The following ARHGAP39 variants were observed in gnomAD, a reference collection of about 807,000 sequenced individuals.
ARHGAP39 encodes rho GTPase-activating protein 39.
A neutral mutation model predicts 106.9 loss-of-function variants in ARHGAP39; 44 were observed. That is an observed-to-expected ratio of 0.41 (90% CI 0.32 to 0.53). The LOEUF is 0.53. Ranked by LOEUF, ARHGAP39 falls within the 20% of genes least tolerant of loss-of-function variation. The pLI is 0.21. For missense variants in ARHGAP39, 1,496 were observed against 1,577.3 expected (o/e 0.95, Z 0.87); for synonymous variants, 768 against 693.2 (o/e 1.11, Z -1.69).
At position 144,671,049 on chromosome 8, in the gene ARHGAP39, G is replaced by C. The variant is rs529100193; in HGVS notation, c.-82+14637C>G. On this transcript the variant is annotated intron_variant, in intron 1 of 11. Coordinates refer to ENST00000377307, the MANE Select transcript of ARHGAP39 (RefSeq NM_025251.3). The surrounding 1 kb of genome is among the most constrained non-coding windows in gnomAD (Gnocchi z 4.5). Reference sequence around the variant, plus strand: ...CACAGTGCTGCCAAGCCTCAGGGCCGCCAAGCTTCTCCCGAAACCCAACCA... The same window carrying C: ...CACAGTGCTGCCAAGCCTCAGGGCCCCCAAGCTTCTCCCGAAACCCAACCA... Among the ~76,000 whole-genome samples the C allele has an allele frequency of 8.5e-5, 13 of 152,258 alleles. No individual in the cohort carries two copies. Among genetic ancestry groups the C allele is most frequent in the African/African-American group, 3.1e-4 (13 of 41,544 alleles).
chr8:144,612,137 C>T (rs975737594), intron 1 of ARHGAP39, among the ~76,000 whole-genome samples: 6 of 152,144 alleles, frequency 3.9e-5, no homozygotes, highest in East Asian at 1.9e-4. Context: ...GCCACGGCTG[C>T]GCCGCTGCAC....
intron 10 of ARHGAP39, 65 bp from the exon 11 acceptor site, chr8:144,530,936 C>T (rs1046862485): frequency 5.4e-5 from 83 of 1,547,066 alleles, no homozygotes; most frequent in Admixed American, 3.3e-4. Context: ...AATGGGGTCC[C>T]GTGGCGGACA....
rs1365522712 is a variant in ARHGAP39 at position 144,547,182 on chromosome 8, C to T, written c.1904G>A (p.Ser635Asn). ...GGCCAGGTTGGTCTGCACGGAGACG[C>T]TCTTCTCCAGCAGGATCTGGGGGAA... ...LGFPQILLEK[S>N]VSVQTNLASP... Residue 635 changes from serine to asparagine, a missense_variant, in exon 5 of 12, where the codon AGC (serine) becomes AAC (asparagine). Physicochemically the swap from Ser to Asn is conservative, Grantham distance 46. Coordinates refer to ENST00000377307, the MANE Select transcript of ARHGAP39 (RefSeq NM_025251.3). This position sits in a 1 kb window ranked among gnomAD's most constrained non-coding sequence, Gnocchi z 5.2. The T allele has an allele frequency of 6.2e-7, 1 of 1,612,086 alleles. No individual in the cohort carries two copies. The highest frequency in any genetic ancestry group is 1.1e-5 in the South Asian group (1 of 90,854).
At chr8:144,696,639 TA>T in the ARHGAP39 span, among the ~76,000 whole-genome samples, 5,592 of 152,286 alleles carry the variant, frequency 0.037, 331 homozygotes, top group African/African-American at 0.13. Context: ...CTCTGAGTTT[TA>T]AAAAAATTTT....
chr8:144,662,423 C>A lies in ARHGAP39; in HGVS notation c.-82+23263G>T, dbSNP rs528010685. On this transcript the variant is annotated intron_variant, in intron 1 of 11. Coordinates refer to ENST00000377307, the MANE Select transcript of ARHGAP39 (RefSeq NM_025251.3). ...GCTTGGACAGCTCTCCCCTCCCCAT[C>A]ATCCACCTTGGGCCGCTACCCGCCT... 2.0e-5 allele frequency among the ~76,000 whole-genome samples: 3 copies of A among 147,362 alleles called. No individual in the cohort carries two copies. In the South Asian group the frequency reaches 6.7e-4, roughly 33 times the overall value.
Position 144,560,327 on chromosome 8 carries a change from T to A in ARHGAP39, c.513-4684A>T, listed in dbSNP as rs111946199. ...GCGCGTGCCTATAATCCCAGCTACT[T>A]GGGAGGCTGAGGCAGGAGAATCGCT... On this transcript the variant is annotated intron_variant, in intron 3 of 11. Transcript: ENST00000377307. Among the ~76,000 whole-genome samples, 4 of 152,060 alleles carry A rather than the reference T, an allele frequency of 2.6e-5. No individual in the cohort carries two copies. In the South Asian group the frequency reaches 8.3e-4, roughly 32 times the overall value.
rs1822082960 is a variant in ARHGAP39, at chr8:144,670,813, G to C, written c.-82+14873C>G. On this transcript the variant is annotated intron_variant, in intron 1 of 11. Transcript: ENST00000377307. This position sits in a 1 kb window ranked among gnomAD's most constrained non-coding sequence, Gnocchi z 4.4. ...CCGCAGCTGCCAACTGTGTGTATCTGTTTCCTGCACTAGACTCTGAGCTTC... is the reference window on the plus strand; with the variant it reads ...CCGCAGCTGCCAACTGTGTGTATCTCTTTCCTGCACTAGACTCTGAGCTTC... Among the ~76,000 whole-genome samples the C allele has an allele frequency of 6.6e-6, 1 of 152,170 alleles. No homozygotes were observed. The highest frequency in any genetic ancestry group is 1.5e-5 in the Non-Finnish European group (1 of 68,040).
chr8:144,588,789 C>A (rs1371559581), intron 2 of ARHGAP39, among the ~76,000 whole-genome samples: 3 of 152,258 alleles, frequency 2.0e-5, no homozygotes, highest in Non-Finnish European at 4.4e-5. Context: ...GTGGGCAGGA[C>A]TCTTGTGCGT....
intron 3 of ARHGAP39, among the ~76,000 whole-genome samples, chr8:144,569,705 TGTG>T (rs1161824591): frequency 1.3e-5 from 2 of 152,158 alleles, no homozygotes; most frequent in Non-Finnish European, 2.9e-5. Flanking sequence ...CTACCTTAAT[TGTG>T]GTGATGGTCA....
rs868741804 is a variant in ARHGAP39, at chr8:144,547,546, C to T, written c.1540G>A (p.Gly514Arg). The change falls in exon 5 of 12, where the codon GGG becomes AGG. Residue 514 changes from glycine (G) to arginine (R), a missense_variant. Gly to Arg is a moderately radical substitution (Grantham distance 125). Coordinates refer to ENST00000377307, the MANE Select transcript of ARHGAP39 (RefSeq NM_025251.3). This position sits in a 1 kb window ranked among gnomAD's most constrained non-coding sequence, Gnocchi z 5.2. Reference sequence around the variant, plus strand: ...AGGGGCTGCTCCACAAGCAGGTCCCCGGGGCCCTCAGTGGGGGTGGCGCTG... The same window carrying T: ...AGGGGCTGCTCCACAAGCAGGTCCCTGGGGCCCTCAGTGGGGGTGGCGCTG... ...ATSATPTEGP[G>R]DLLVEQPLAE... The T allele has an allele frequency of 6.1e-6, 9 of 1,474,784 alleles. No individual in the cohort carries two copies. The highest frequency in any genetic ancestry group is 5.6e-5 in the African/African-American group (4 of 71,404). 91.4% of individuals were successfully genotyped at this position (1,474,784 alleles called of 1,614,324 possible).
rs1456469945 is a variant in ARHGAP39 at position 144,639,280 on chromosome 8, C to T, written c.-81-33585G>A. ...GGTGGAGGTTGCAGTGAGCTGAGAT[C>T]GCACCACTGCACTCCAGCCTGGGTG... On this transcript the variant is annotated intron_variant, in intron 1 of 11. Coordinates refer to ENST00000377307, the MANE Select transcript of ARHGAP39 (RefSeq NM_025251.3). 2.0e-5 allele frequency among the ~76,000 whole-genome samples: 3 copies of T among 147,292 alleles called. No homozygotes were observed. In the Admixed American group the frequency reaches 2.1e-4, roughly 10 times the overall value.
At chr8:144,682,007 G>A (rs886799805) in intron 1 of ARHGAP39, among the ~76,000 whole-genome samples, 30 of 150,180 alleles carry the variant, frequency 2.0e-4, no homozygotes, top group African/African-American at 6.1e-4. Context: ...GGTGGCACAC[G>A]CCTGTAATCC....
chr8:144,590,944 C>T (rs186346024), intron 2 of ARHGAP39, among the ~76,000 whole-genome samples: 7 of 152,318 alleles, frequency 4.6e-5, no homozygotes, highest in Admixed American at 1.3e-4. Context: ...CCATTCTCCA[C>T]GCTGAAGATG....
intron 4 of ARHGAP39, among the ~76,000 whole-genome samples, chr8:144,553,970 T>C (rs1384038402): frequency 1.3e-5 from 2 of 152,158 alleles, no homozygotes; most frequent in Non-Finnish European, 2.9e-5. Context: ...GGCCCAGAGG[T>C]GCAGCTGCTG....
chr8:144,575,554 C>T (rs1469238500), intron 3 of ARHGAP39, among the ~76,000 whole-genome samples: 1 of 152,156 alleles, frequency 6.6e-6, no homozygotes, highest in Non-Finnish European at 1.5e-5. Flanking sequence ...CCACCGTCTT[C>T]CCATTGCCAC....
chr8:144,608,378 C>T (rs1274789440), intron 1 of ARHGAP39, among the ~76,000 whole-genome samples: 2 of 152,102 alleles, frequency 1.3e-5, no homozygotes, highest in Non-Finnish European at 2.9e-5. Flanking sequence ...TGCTTTCCAT[C>T]CTCAGTCCAT....
At chr8:144,672,171 C>A (rs1367117262) in intron 1 of ARHGAP39, among the ~76,000 whole-genome samples, 3 of 152,350 alleles carry the variant, frequency 2.0e-5, no homozygotes, top group East Asian at 1.9e-4. Flanking sequence ...ATAGAAACAG[C>A]ACCTAGAGTT....
At chr8:144,549,369 C>T (rs908587719) in intron 4 of ARHGAP39, among the ~76,000 whole-genome samples, 5 of 152,248 alleles carry the variant, frequency 3.3e-5, no homozygotes, top group East Asian at 3.8e-4. Flanking sequence ...CTATTTGGGA[C>T]GCATAGCACT....
chr8:144,638,502 A>T (rs1031816063), intron 1 of ARHGAP39, among the ~76,000 whole-genome samples: 9 of 152,126 alleles, frequency 5.9e-5, no homozygotes, highest in Non-Finnish European at 1.2e-4. Context: ...AAACTTTTGC[A>T]TTCTATCCTC....
Sources: allele counts gnomAD v4.1 joint callset (sites outside exome capture counted in the v4.1 genomes callset), GRCh38; gene constraint gnomAD v4.1.1; non-coding constraint Gnocchi (gnomAD v3.1); transcripts MANE v1.5; gene names NCBI Gene and HGNC (gene_info 2026-07-23, HGNC 2026-07-21).